PACC1: variants seen among roughly 807,000 people sequenced by gnomAD.
PACC1 encodes proton activated chloride channel 1, also known as proton-activated chloride channel.
PACC1 carries 34 observed loss-of-function variants against 39.7 expected under a neutral mutation model. The observed-to-expected ratio is 0.86, with a 90% CI of 0.65 to 1.14. The LOEUF (loss-of-function observed/expected upper bound fraction) is 1.14, where lower values mean the gene tolerates loss of function less well. Among genes scored for constraint, PACC1 ranks in the 50% most tolerant of loss-of-function variants. The pLI is 0.00. For synonymous variants in PACC1, 127 were observed against 160.6 expected (o/e 0.79, Z 1.58); for missense variants, 379 against 436.4 (o/e 0.87, Z 1.17).
At chr1:212,375,369 A>G in intron 6 of PACC1, 69 bp from the exon 7 acceptor site, 1 of 1,113,586 alleles carries the variant, frequency 9.0e-7, no homozygotes, top group Non-Finnish European at 1.4e-6. Flanking sequence ...GCCCAGCGAA[A>G]GGAGAGAGAG....
intron 4 of PACC1, among the ~76,000 whole-genome samples, chr1:212,384,297 C>CA (rs34538954): frequency 0.049 from 7,254 of 149,524 alleles, 254 homozygotes; most frequent in Admixed American, 0.1. Flanking sequence ...CACATACTAA[C>CA]AAAAAAAAAA....
intron 7 of PACC1, among the ~76,000 whole-genome samples, chr1:212,371,615 T>G (rs1051855045): frequency 1.1e-4 from 17 of 151,880 alleles, no homozygotes; most frequent in Non-Finnish European, 2.4e-4. Context: ...TAAAAAAAAA[T>G]TAATAGCAAT....
At position 212,386,796 on chromosome 1, in the gene PACC1, C is replaced by T. The variant is rs961081154; in HGVS notation, c.343+95G>A. On this transcript the variant is annotated intron_variant, in intron 3 of 7. Transcript: ENST00000261455. The surrounding 1 kb of genome is among the most constrained non-coding windows in gnomAD (Gnocchi z 5.0). ...CTTGGTTGGACTCCTCTGCCCTGCC[C>T]GTAGTACCACAAATACAACGGCAGC... 16 of 1,270,588 alleles carry T rather than the reference C, an allele frequency of 1.3e-5. No individual in the cohort carries two copies. Among genetic ancestry groups the T allele is most frequent in the African/African-American group, 5.9e-5 (4 of 68,220 alleles). The allele number at this position is 1,270,588 out of a possible 1,614,324, so 78.7% of individuals were successfully genotyped here. A position where few individuals can be genotyped will look rare whatever the true frequency, so the allele number is the denominator to read the frequency against.
At chr1:212,384,539 G>C (rs1450663157) in intron 4 of PACC1, among the ~76,000 whole-genome samples, 1 of 152,166 alleles carries the variant, frequency 6.6e-6, no homozygotes, top group Non-Finnish European at 1.5e-5. Context: ...TTTAGGTCAT[G>C]GTGCAATTTC....
chr1:212,380,570 T>G (rs538595372), intron 4 of PACC1, among the ~76,000 whole-genome samples: 1 of 152,316 alleles, frequency 6.6e-6, no homozygotes, highest in Non-Finnish European at 1.5e-5. Context: ...GCTCTGTATA[T>G]AGTGTGAAAT....
chr1:212,367,113 G>A (rs961854856), intron 7 of PACC1, among the ~76,000 whole-genome samples: 1 of 152,336 alleles, frequency 6.6e-6, no homozygotes, highest in Admixed American at 6.5e-5. Flanking sequence ...TGACGTTAGA[G>A]GAGGTGGAGC....
chr1:212,365,218 G>C lies in PACC1; in HGVS notation c.1050C>G (p.Ser350Arg). 1 of 1,612,966 alleles carries C rather than the reference G, an allele frequency of 6.2e-7. No homozygotes were observed. Among genetic ancestry groups the C allele is most frequent in the Non-Finnish European group, 8.5e-7 (1 of 1,179,564 alleles). ...KRRGQATSHI[S>R] Reference sequence around the variant, plus strand: ...CTCTAAACAACGCGAGGTGACTTCAGCTTATGTGGCTCGTTGCCTGACCTC... The same window carrying C: ...CTCTAAACAACGCGAGGTGACTTCACCTTATGTGGCTCGTTGCCTGACCTC... Residue 350 changes from serine to arginine, a missense_variant, in exon 8 of 8, where the codon AGC (serine) becomes AGG (arginine). Coordinates refer to ENST00000261455, the MANE Select transcript of PACC1 (RefSeq NM_018252.3).
intron 2 of PACC1, among the ~76,000 whole-genome samples, chr1:212,409,101 T>C (rs1372342600): frequency 6.6e-6 from 1 of 152,218 alleles, no homozygotes; most frequent in Non-Finnish European, 1.5e-5. Context: ...CTATGTCTGA[T>C]AATCTGAGGT....
intron 1 of PACC1, among the ~76,000 whole-genome samples, chr1:212,413,455 A>G (rs1486038607): frequency 6.6e-6 from 1 of 152,228 alleles, no homozygotes; most frequent in South Asian, 2.1e-4. Flanking sequence ...AAGGACAGAC[A>G]GAAATGCAGA....
chr1:212,405,447 AC>A (rs1434125593), intron 2 of PACC1, among the ~76,000 whole-genome samples: 1 of 152,232 alleles, frequency 6.6e-6, no homozygotes, highest in African/African-American at 2.4e-5. Flanking sequence ...AAAGCATATC[AC>A]AGGGAGAAAG....
chr1:212,385,434 A>G lies in PACC1; in HGVS notation c.344-9T>C, dbSNP rs887001193. ...GGGGTACAAGGCAATACCTGGGGGC[A>G]CAAACAGGAAAAGCAAGTGTCAGAA... On this transcript the variant is annotated splice_polypyrimidine_tract_variant and intron_variant, in intron 3 of 7. Coordinates refer to ENST00000261455, the MANE Select transcript of PACC1 (RefSeq NM_018252.3). The G allele has an allele frequency of 1.2e-6, 2 of 1,613,990 alleles. No individual in the cohort carries two copies. Among genetic ancestry groups the G allele is most frequent in the Non-Finnish European group, 1.7e-6 (2 of 1,179,916 alleles).
chr1:212,377,665 T>A lies in PACC1; in HGVS notation c.680A>T (p.Tyr227Phe). The A allele has an allele frequency of 1.2e-6, 2 of 1,614,146 alleles. No homozygotes were observed. The highest frequency in any genetic ancestry group is 1.7e-6 in the Non-Finnish European group (2 of 1,180,000). The change falls in exon 6 of 8, where the codon TAT (tyrosine) becomes TTT (phenylalanine). Residue 227 changes from tyrosine (Y) to phenylalanine (F), a missense_variant. Coordinates refer to ENST00000261455, the MANE Select transcript of PACC1 (RefSeq NM_018252.3). Reference protein sequence around the residue: ...VGFMQACESAYSSWKFSGGFR... With the variant: ...VGFMQACESAFSSWKFSGGFR... ...GCCCCCAGAGAACTTCCAGCTGGAA[T>A]AGGCACTCTCACAGGCCTGCATGAA... is the stretch of plus-strand genomic sequence containing the variant.
chr1:212,369,030 A>C (rs1340399644), intron 7 of PACC1, among the ~76,000 whole-genome samples: 1 of 151,698 alleles, frequency 6.6e-6, no homozygotes, highest in East Asian at 1.9e-4. Context: ...CGTCTCAAAA[A>C]AAAAAAAAAA....
chr1:212,376,486 T>A (rs547338688), intron 6 of PACC1, among the ~76,000 whole-genome samples: 1 of 152,052 alleles, frequency 6.6e-6, no homozygotes, highest in Non-Finnish European at 1.5e-5. Flanking sequence ...AAATCCAGGG[T>A]AGATGGGGTT....
chr1:212,402,569 T>C (rs1352370507), intron 2 of PACC1, among the ~76,000 whole-genome samples: 2 of 152,234 alleles, frequency 1.3e-5, no homozygotes, highest in Non-Finnish European at 2.9e-5. Context: ...CAGTCCCTTA[T>C]CAGGTGTATG....
intron 2 of PACC1, chr1:212,387,606 CACTT>C (rs1410481649): frequency 6.4e-6 from 1 of 157,248 alleles, no homozygotes; most frequent in Admixed American, 6.2e-5. Flanking sequence ...GATTCCCTCA[CACTT>C]ACCATTCCCT....
chr1:212,373,565 A>G (rs1349349589), intron 7 of PACC1, among the ~76,000 whole-genome samples: 1 of 152,224 alleles, frequency 6.6e-6, no homozygotes, highest in Admixed American at 6.5e-5. Flanking sequence ...GAGACAACCT[A>G]CAGAATGAGA....
At position 212,385,555 on chromosome 1, in the gene PACC1, G is replaced by C. The variant is rs1661071858; in HGVS notation, c.344-130C>G. On this transcript the variant is annotated intron_variant, in intron 3 of 7. Transcript: ENST00000261455. ...GGACTGCAGGGAAGGGAGAAGAAAA[G>C]GGTTTCAGAGGGTGAGGAGCCACAT... 5 of 935,306 alleles carry C rather than the reference G, an allele frequency of 5.3e-6. No homozygotes were observed. The South Asian group carries it at 6.5e-5, about 12-fold the overall frequency. The allele number at this position is 935,306 out of a possible 1,614,324, so 57.9% of individuals were successfully genotyped here.
chr1:212,390,415 C>A (rs1463700690), intron 2 of PACC1, among the ~76,000 whole-genome samples: 2 of 144,016 alleles, frequency 1.4e-5, no homozygotes, highest in Non-Finnish European at 3.0e-5. Flanking sequence ...AAGAGCAAAA[C>A]TCCATCTCAA....
Sources: gnomAD v4.1 joint callset for allele counts (sites outside exome capture counted in the v4.1 genomes callset) on GRCh38, gnomAD v4.1.1 for gene constraint, Gnocchi (gnomAD v3.1) non-coding constraint, MANE v1.5 for transcripts, NCBI Gene and HGNC (gene_info 2026-07-23, HGNC 2026-07-21) for gene names.